Variants in KLHL29 observed in about 807,000 individuals in gnomAD.
KLHL29 encodes the protein kelch-like protein 29.
A neutral mutation model predicts 80.4 loss-of-function variants in KLHL29; 21 were observed. The ratio of observed to expected loss-of-function variants is 0.26; its 90% confidence interval spans 0.19 to 0.38. The LOEUF (loss-of-function observed/expected upper bound fraction) is 0.38, where lower values mean the gene tolerates loss of function less well. Ranked by LOEUF, KLHL29 falls within the 10% of genes least tolerant of loss-of-function variation. The pLI is 1.00. For missense variants in KLHL29, 867 were observed against 1,223.9 expected (o/e 0.71, Z 4.35); for synonymous variants, 511 against 526.8 (o/e 0.97, Z 0.41).
At chr2:23,514,161 G>C (rs140939184) in intron 2 of KLHL29, among the ~76,000 whole-genome samples, 2,063 of 152,288 alleles carry the variant, frequency 0.014, 24 homozygotes, top group Non-Finnish European at 0.02. Context: ...GGTTTGTAAG[G>C]GGGGAGGCAT....
chr2:23,541,157 C>T (rs903439263), intron 2 of KLHL29, among the ~76,000 whole-genome samples: 7 of 152,230 alleles, frequency 4.6e-5, no homozygotes, highest in Admixed American at 2.6e-4. Context: ...TCACTTTCTT[C>T]GCTTGACAGG....
At chr2:23,677,354 T>C (rs898384766) in intron 5 of KLHL29, among the ~76,000 whole-genome samples, 11 of 152,236 alleles carry the variant, frequency 7.2e-5, no homozygotes, top group African/African-American at 2.7e-4. Flanking sequence ...GGCTCCCTTT[T>C]AGATAAATGG....
Position 23,706,397 on chromosome 2 carries a change from C to CT in KLHL29, c.2445-84_2445-83insT, listed in dbSNP as rs1672726219. The CT allele has an allele frequency of 2.7e-6, 3 of 1,129,912 alleles. No individual in the cohort carries two copies. The African/African-American group carries it at 4.8e-5, about 18-fold the overall frequency. 70.0% of individuals were successfully genotyped at this position (1,129,912 alleles called of 1,614,324 possible). A position where few individuals can be genotyped will look rare whatever the true frequency, so the allele number is the denominator to read the frequency against. On this transcript the variant is annotated intron_variant, in intron 13 of 13. Coordinates refer to ENST00000486442, the MANE Select transcript of KLHL29 (RefSeq NM_052920.2). The stretch of plus-strand genomic sequence containing the variant: ...TTCTGCAAAAGGCACAGGCAGCCTA[C>CT]AACAGGACACGACGTTGAGAACCTA...
Position 23,503,799 on chromosome 2 carries a change from G to A in KLHL29, c.-46+28132G>A, listed in dbSNP as rs1448301050. 1.3e-5 allele frequency among the ~76,000 whole-genome samples: 2 copies of A among 152,228 alleles called. No homozygotes were observed. The highest frequency in any genetic ancestry group is 2.4e-5 in the African/African-American group (1 of 41,456). ...GACAGGAGGTCTCAGAGCACAGCAC[G>A]CCAGACCTCTAGTCCACACAGTCCT... On this transcript the variant is annotated intron_variant, in intron 2 of 13. Transcript: ENST00000486442. The surrounding 1 kb of genome is among the most constrained non-coding windows in gnomAD (Gnocchi z 4.0).
At chr2:23,683,408 C>A (rs972857445) in intron 5 of KLHL29, among the ~76,000 whole-genome samples, 35 of 152,344 alleles carry the variant, frequency 2.3e-4, no homozygotes, top group African/African-American at 8.4e-4. Context: ...GCAGATGAGG[C>A]AAGGCTGTTG....
chr2:23,633,158 G>C (rs1669513386), intron 3 of KLHL29, among the ~76,000 whole-genome samples: 1 of 152,214 alleles, frequency 6.6e-6, no homozygotes, highest in Non-Finnish European at 1.5e-5. Flanking sequence ...CAAGGCTTCA[G>C]ATGAAGGTCC....
intron 3 of KLHL29, among the ~76,000 whole-genome samples, chr2:23,576,237 A>G (rs1194549997): frequency 2.0e-5 from 3 of 150,026 alleles, no homozygotes; most frequent in Admixed American, 6.7e-5. Flanking sequence ...CCCAGGAGGC[A>G]GAGGTTGCAG....
intron 5 of KLHL29, among the ~76,000 whole-genome samples, chr2:23,652,480 T>C (rs55872058): frequency 0.12 from 18,032 of 152,212 alleles, 1,264 homozygotes; most frequent in East Asian, 0.27. Context: ...TTTTGGAGGA[T>C]GGCAGAATTT....
At chr2:23,634,573 C>T (rs1233703087) in intron 3 of KLHL29, among the ~76,000 whole-genome samples, 1 of 152,150 alleles carries the variant, frequency 6.6e-6, no homozygotes, top group South Asian at 2.1e-4. Context: ...AGGAGACTCC[C>T]CCAGGTTCCC....
intron 1 of KLHL29, among the ~76,000 whole-genome samples, chr2:23,407,962 AGT>A (rs1399528949): frequency 6.6e-6 from 1 of 151,836 alleles, no homozygotes; most frequent in Admixed American, 6.6e-5. Context: ...TCCAGGCTGG[AGT>A]GCATTGGTGC....
intron 6 of KLHL29, chr2:23,691,405 A>C: frequency 1.9e-6 from 1 of 519,344 alleles, no homozygotes; most frequent in Non-Finnish European, 3.5e-6. Flanking sequence ...GTCCCCATCC[A>C]TAGCTCATGC....
chr2:23,649,609 G>A (rs1009482122), intron 5 of KLHL29, among the ~76,000 whole-genome samples: 8 of 152,236 alleles, frequency 5.3e-5, no homozygotes, highest in Admixed American at 3.9e-4. Flanking sequence ...CTCTCTCCAC[G>A]GGGCTGCGGG....
chr2:23,479,359 C>T (rs932176645), intron 2 of KLHL29, among the ~76,000 whole-genome samples: 5 of 151,994 alleles, frequency 3.3e-5, no homozygotes, highest in African/African-American at 1.2e-4. Flanking sequence ...TGCTCCGCAC[C>T]TTTCCATCAA....
At chr2:23,474,526 C>G (rs1431593207) in intron 1 of KLHL29, among the ~76,000 whole-genome samples, 1 of 152,160 alleles carries the variant, frequency 6.6e-6, no homozygotes, top group Non-Finnish European at 1.5e-5. Context: ...GAGGTTATTT[C>G]TTAGTCGTAA....
Position 23,696,159 on chromosome 2 carries a change from G to A in KLHL29, c.1924+26G>A. On this transcript the variant is annotated intron_variant, in intron 10 of 13. Coordinates refer to ENST00000486442, the MANE Select transcript of KLHL29 (RefSeq NM_052920.2). The surrounding 1 kb of genome is among the most constrained non-coding windows in gnomAD (Gnocchi z 5.5). ...GTGAGGCCCCCCGGGGTTGGGGCGGGACCAGGCATGGGGGTCCCAAGGGGA... is the reference window on the plus strand; with the variant it reads ...GTGAGGCCCCCCGGGGTTGGGGCGGAACCAGGCATGGGGGTCCCAAGGGGA... 3 of 1,544,984 alleles carry A rather than the reference G, an allele frequency of 1.9e-6. No individual in the cohort carries two copies. The highest frequency in any genetic ancestry group is 2.0e-5 in the Admixed American group (1 of 50,718).
chr2:23,428,825 A>G (rs1221519349), intron 1 of KLHL29, among the ~76,000 whole-genome samples: 1 of 152,230 alleles, frequency 6.6e-6, no homozygotes, highest in Admixed American at 6.5e-5. Flanking sequence ...CAACAGAACC[A>G]GCAAAGCCTC....
chr2:23,435,592 G>T (rs764454488), intron 1 of KLHL29, among the ~76,000 whole-genome samples: 1 of 152,198 alleles, frequency 6.6e-6, no homozygotes, highest in Non-Finnish European at 1.5e-5. Flanking sequence ...GCGGTTGCAC[G>T]TAAATCAATT....
At chr2:23,629,004 A>T (rs1669399259) in intron 3 of KLHL29, among the ~76,000 whole-genome samples, 1 of 152,096 alleles carries the variant, frequency 6.6e-6, no homozygotes, top group South Asian at 2.1e-4. Context: ...TGGCGACACG[A>T]TTGGAGAGGG....
chr2:23,538,423 C>T (rs1178382046), intron 2 of KLHL29, among the ~76,000 whole-genome samples: 1 of 152,194 alleles, frequency 6.6e-6, no homozygotes, highest in African/African-American at 2.4e-5. Context: ...TTATCTTTAT[C>T]AAGATGTCTA....
Sources: allele counts gnomAD v4.1 joint callset (sites outside exome capture counted in the v4.1 genomes callset), GRCh38; gene constraint gnomAD v4.1.1; non-coding constraint Gnocchi (gnomAD v3.1); transcripts MANE v1.5; gene names NCBI Gene and HGNC (gene_info 2026-07-23, HGNC 2026-07-21).